Variants in SIRPA observed in about 807,000 individuals in gnomAD.
The protein encoded by SIRPA is tyrosine-protein phosphatase non-receptor type substrate 1.
A neutral mutation model predicts 50.3 loss-of-function variants in SIRPA; 9 were observed. The observed-to-expected ratio is 0.18, with a 90% confidence interval of 0.11 to 0.31. SIRPA has a LOEUF of 0.31. SIRPA is among the 10% of genes least tolerant of loss of function. SIRPA has a pLI of 1.00. For synonymous variants in SIRPA, 265 were observed against 284.1 expected (o/e 0.93, Z 0.68); for missense variants, 474 against 661.6 (o/e 0.72, Z 3.11).
In SIRPA at chr20:1,924,900, C is replaced by T. The variant is rs1985890488; in HGVS notation, c.1201+23C>T. 3 of 1,584,688 alleles carry T rather than the reference C, an allele frequency of 1.9e-6. No homozygotes were observed. Among genetic ancestry groups the T allele is most frequent in the African/African-American group, 2.7e-5 (2 of 74,360 alleles). ...AAGGTGGGTGCATTCCCCTCTTCCT[C>T]CCTAAGGGTTTGTCCCTGGACTGTC... On this transcript the variant is annotated intron_variant, in intron 5 of 7. Coordinates refer to ENST00000358771, the MANE Select transcript of SIRPA (RefSeq NM_001040023.2). The surrounding 1 kb of genome is among the most constrained non-coding windows in gnomAD (Gnocchi z 4.5).
Position 1,924,867 on chromosome 20 carries a change from A to G in SIRPA, c.1191A>G (p.Arg397=). Residue 397 remains arginine, a synonymous_variant, in exon 5 of 8, where the codon AGA becomes AGG. Coordinates refer to ENST00000358771, the MANE Select transcript of SIRPA (RefSeq NM_001040023.2). The surrounding 1 kb of genome is among the most constrained non-coding windows in gnomAD (Gnocchi z 4.5). ...CGGCCCTCTACCTCGTCCGAATCAGACAGAAGAAAGGTGGGTGCATTCCCC... is the reference window on the plus strand; with the variant it reads ...CGGCCCTCTACCTCGTCCGAATCAGGCAGAAGAAAGGTGGGTGCATTCCCC... ...LMAALYLVRI[R]QKKAQGSTSS... The G allele has an allele frequency of 6.2e-7, 1 of 1,613,908 alleles. No homozygotes were observed. Among genetic ancestry groups the G allele is most frequent in the Non-Finnish European group, 8.5e-7 (1 of 1,179,822 alleles).
intron 5 of SIRPA, among the ~76,000 whole-genome samples, chr20:1,926,128 C>T (rs1015239401): frequency 2.0e-5 from 3 of 152,322 alleles, no homozygotes; most frequent in East Asian, 3.9e-4. Flanking sequence ...CCCAAGTTTC[C>T]CTCCCTCCTG....
intron 1 of SIRPA, among the ~76,000 whole-genome samples, chr20:1,903,573 T>G (rs1404667498): frequency 6.6e-6 from 1 of 152,218 alleles, no homozygotes; most frequent in African/African-American, 2.4e-5. Context: ...ATGGCATTTC[T>G]GGACCACGTC....
intron 1 of SIRPA, among the ~76,000 whole-genome samples, chr20:1,907,988 C>A (rs1007505626): frequency 1.3e-5 from 2 of 152,192 alleles, no homozygotes; most frequent in Non-Finnish European, 2.9e-5. Flanking sequence ...TCTGGGCTAG[C>A]CTGTTGACAG....
chr20:1,915,433 A>G lies in SIRPA; in HGVS notation c.414A>G (p.Ala138=), dbSNP rs1282179617. 1.2e-6 allele frequency: 2 copies of G among 1,613,214 alleles called. No individual in the cohort carries two copies. Among genetic ancestry groups the G allele is most frequent in the African/African-American group, 2.7e-5 (2 of 74,864 alleles). ...SPDDVEFKSG[A]GTELSVRAKP... is the part of the protein sequence containing the mutation. ...ATGACGTGGAGTTTAAGTCTGGAGC[A>G]GGCACTGAGCTGTCTGTGCGCGGTG... The change falls in exon 2 of 8, where the codon GCA becomes GCG. Residue 138 remains alanine (A), a synonymous_variant. Transcript: ENST00000358771.
chr20:1,912,263 G>A (rs529336975), intron 1 of SIRPA, among the ~76,000 whole-genome samples: 15 of 152,152 alleles, frequency 9.9e-5, no homozygotes, highest in South Asian at 2.1e-4. Context: ...CCTCTCCTGC[G>A]CCTCCTGCTC....
intron 1 of SIRPA, among the ~76,000 whole-genome samples, chr20:1,913,930 G>A (rs552180931): frequency 1.3e-5 from 2 of 152,176 alleles, no homozygotes; most frequent in East Asian, 3.9e-4. Context: ...GTGCCCCAGT[G>A]TCTCTGATTG....
intron 1 of SIRPA, among the ~76,000 whole-genome samples, chr20:1,907,359 G>T (rs1160442799): frequency 6.6e-6 from 1 of 152,190 alleles, no homozygotes; most frequent in African/African-American, 2.4e-5. Context: ...CCCAGTGCTG[G>T]CCTGCTCTTC....
intron 1 of SIRPA, 53 bp downstream of exon 1, chr20:1,895,579 CCT>C (rs1197691938): frequency 4.6e-6 from 6 of 1,308,908 alleles, no homozygotes; most frequent in Non-Finnish European, 5.9e-6. Flanking sequence ...CGGGCTCAGG[CCT>C]CTCAGACTGG....
rs1376041755 is a variant in SIRPA at position 1,924,821 on chromosome 20, T to C, written c.1145T>C (p.Leu382Ser). The change falls in exon 5 of 8, where the codon TTG becomes TCG. Residue 382 changes from leucine (L) to serine (S), a missense_variant. Leu to Ser is a moderately radical substitution (Grantham distance 145, BLOSUM62 -2). Transcript: ENST00000358771. The surrounding 1 kb of genome is among the most constrained non-coding windows in gnomAD (Gnocchi z 4.5). Reference protein sequence around the residue: ...IYIVVGVVCTLLVALLMAALY... With the variant: ...IYIVVGVVCTSLVALLMAALY... ...ATTGTGGTGGGTGTGGTGTGCACCT[T>C]GCTGGTGGCCCTACTGATGGCGGCC... is the stretch of plus-strand genomic sequence containing the variant. The C allele has an allele frequency of 6.2e-7, 1 of 1,614,210 alleles. No individual in the cohort carries two copies. Among genetic ancestry groups the C allele is most frequent in the South Asian group, 1.1e-5 (1 of 91,082 alleles).
Position 1,927,769 on chromosome 20 carries a change from A to G in SIRPA, c.1202-106A>G. 1 of 976,490 alleles carries G rather than the reference A, an allele frequency of 1.0e-6. No individual in the cohort carries two copies. Among genetic ancestry groups the G allele is most frequent in the East Asian group, 2.4e-5 (1 of 41,938 alleles). The allele number at this position is 976,490 out of a possible 1,614,324, so 60.5% of individuals were successfully genotyped here. ...GTGGTTCCAAGGATGTGATTACAGC[A>G]TTTCCTCTCCATGTCCCTGGAGGCA... On this transcript the variant is annotated intron_variant, in intron 5 of 7. Transcript: ENST00000358771. The surrounding 1 kb of genome is among the most constrained non-coding windows in gnomAD (Gnocchi z 6.5).
rs755557473 is a variant in SIRPA at position 1,924,780 on chromosome 20, T to C, written c.1104T>C (p.Asn368=). 3 of 1,614,156 alleles carry C rather than the reference T, an allele frequency of 1.9e-6. No individual in the cohort carries two copies. The highest frequency in any genetic ancestry group is 3.3e-5 in the Admixed American group (2 of 60,026). The part of the protein sequence containing the change: ...SNTAAENTGS[N]ERNIYIVVGV... ...GGTCCCTAGAGAACACTGGATCTAA[T>C]GAACGGAACATCTATATTGTGGTGG... The change falls in exon 5 of 8, where the codon AAT becomes AAC. Residue 368 remains asparagine, a synonymous_variant. Transcript: ENST00000358771. The surrounding 1 kb of genome is among the most constrained non-coding windows in gnomAD (Gnocchi z 4.5).
intron 1 of SIRPA, among the ~76,000 whole-genome samples, chr20:1,911,035 G>T (rs770860409): frequency 6.6e-6 from 1 of 151,912 alleles, no homozygotes; most frequent in African/African-American, 2.4e-5. Context: ...TCTAAAATTG[G>T]GAGTTTGGGA....
At position 1,928,828 on chromosome 20, in the gene SIRPA, C is replaced by A. The variant is rs1202191668; in HGVS notation, c.1226+929C>A. 1.3e-5 allele frequency among the ~76,000 whole-genome samples: 2 copies of A among 152,158 alleles called. No individual in the cohort carries two copies. Among genetic ancestry groups the A allele is most frequent in the Non-Finnish European group, 2.9e-5 (2 of 68,020 alleles). On this transcript the variant is annotated intron_variant, in intron 6 of 7. Coordinates refer to ENST00000358771, the MANE Select transcript of SIRPA (RefSeq NM_001040023.2). This position sits in a 1 kb window ranked among gnomAD's most constrained non-coding sequence, Gnocchi z 4.9. ...GTCCTCGGCATCCCGGTGTCCTTTG[C>A]AGATGCCCCTGCAGTCAGAGGTGTT...
rs1028803065 is a variant in SIRPA, at chr20:1,927,479, G to A, written c.1202-396G>A. Among the ~76,000 whole-genome samples, 6 of 152,186 alleles carry A rather than the reference G, an allele frequency of 3.9e-5. No homozygotes were observed. Among genetic ancestry groups the A allele is most frequent in the South Asian group, 2.1e-4 (1 of 4,822 alleles). On this transcript the variant is annotated intron_variant, in intron 5 of 7. Coordinates refer to ENST00000358771, the MANE Select transcript of SIRPA (RefSeq NM_001040023.2). This position sits in a 1 kb window ranked among gnomAD's most constrained non-coding sequence, Gnocchi z 6.5. ...GACCCGGGGTTCACACATGATCCCC[G>A]ATTTGCAGCCCTGCTAGAATCTGTT...
chr20:1,906,404 T>C (rs1984550520), intron 1 of SIRPA, among the ~76,000 whole-genome samples: 1 of 152,132 alleles, frequency 6.6e-6, no homozygotes, highest in Non-Finnish European at 1.5e-5. Flanking sequence ...GGATGACATA[T>C]CGAACAATGA....
intron 1 of SIRPA, among the ~76,000 whole-genome samples, chr20:1,901,814 G>A (rs1055177126): frequency 6.6e-6 from 1 of 152,200 alleles, no homozygotes; most frequent in Non-Finnish European, 1.5e-5. Context: ...AGCGCCAAGA[G>A]CCCAAGGAGA....
Position 1,924,937 on chromosome 20 carries a change from A to G in SIRPA, c.1201+60A>G. ...GTCCCTGGACTGTCCTCGGAGGGAG[A>G]CGCCATTAGGTGCTTTGGGTTAAGG... On this transcript the variant is annotated intron_variant, in intron 5 of 7. Coordinates refer to ENST00000358771, the MANE Select transcript of SIRPA (RefSeq NM_001040023.2). The surrounding 1 kb of genome is among the most constrained non-coding windows in gnomAD (Gnocchi z 4.5). The G allele has an allele frequency of 7.3e-7, 1 of 1,365,130 alleles. No individual in the cohort carries two copies. Among genetic ancestry groups the G allele is most frequent in the Non-Finnish European group, 1.0e-6 (1 of 958,144 alleles). The allele number at this position is 1,365,130 out of a possible 1,614,324, so 84.6% of individuals were successfully genotyped here.
intron 2 of SIRPA, among the ~76,000 whole-genome samples, chr20:1,919,099 G>C (rs917880792): frequency 8.5e-5 from 13 of 152,244 alleles, no homozygotes; most frequent in African/African-American, 3.1e-4. Flanking sequence ...GTGTGATGCT[G>C]AAGCCATGCA....
Sources: allele counts gnomAD v4.1 joint callset (sites outside exome capture counted in the v4.1 genomes callset), GRCh38; gene constraint gnomAD v4.1.1; non-coding constraint Gnocchi (gnomAD v3.1); transcripts MANE v1.5; gene names NCBI Gene and HGNC (gene_info 2026-07-23, HGNC 2026-07-21).